PLXDC2: variants seen among roughly 807,000 people sequenced by gnomAD.
PLXDC2 encodes the protein plexin domain containing 2, also known as plexin domain-containing protein 2.
Under a neutral mutation model 68.9 loss-of-function variants are expected in PLXDC2, and 40 were observed. The ratio of observed to expected loss-of-function variants is 0.58; its 90% CI spans 0.45 to 0.76. The LOEUF is 0.76. PLXDC2 is among the 30% of genes least tolerant of loss of function. PLXDC2 has a pLI of 0.00. For missense variants in PLXDC2, 644 were observed against 661.9 expected (o/e 0.97, Z 0.30); for synonymous variants, 243 against 234.2 (o/e 1.04, Z -0.34).
intron 1 of PLXDC2, among the ~76,000 whole-genome samples, chr10:19,898,183 T>G (rs1391876433): frequency 6.6e-6 from 1 of 152,198 alleles, no homozygotes; most frequent in African/African-American, 2.4e-5. Flanking sequence ...TTATTTGTAT[T>G]TTTTGGTTTG....
rs63234960 is a variant in PLXDC2, at chr10:19,817,067, TGGC to T, written c.-3_-1del. The T allele has an allele frequency of 0.41, 630,347 of 1,524,466 alleles. 132,878 individuals carry two copies. The highest frequency in any genetic ancestry group is 0.44 in the Non-Finnish European group (499,069 of 1,135,922). The allele number at this position is 1,524,466 out of a possible 1,614,324, so 94.4% of individuals were successfully genotyped here. ...AGGACTGGCGGGTGGGGTAGGGAGG[TGGC>T]GGCGGCGGCATGGCGAGGTTCCCGA... On this transcript the variant is annotated 5_prime_UTR_variant, in exon 1 of 14. Transcript: ENST00000377252.
At chr10:19,989,264 A>G (rs1589572587) in intron 1 of PLXDC2, among the ~76,000 whole-genome samples, 2 of 152,216 alleles carry the variant, frequency 1.3e-5, no homozygotes, top group South Asian at 2.1e-4. Flanking sequence ...GTGGTATGCT[A>G]TCATGACCTG....
chr10:19,885,553 GT>G (rs1837828558), intron 1 of PLXDC2, among the ~76,000 whole-genome samples: 1 of 152,104 alleles, frequency 6.6e-6, no homozygotes, highest in South Asian at 2.1e-4. Context: ...AAGGGATCCA[GT>G]TTCAGCTTTC....
At chr10:19,836,420 ACT>A (rs1376893824) in intron 1 of PLXDC2, among the ~76,000 whole-genome samples, 1 of 152,174 alleles carries the variant, frequency 6.6e-6, no homozygotes, top group Non-Finnish European at 1.5e-5. Context: ...ATGCAACTTG[ACT>A]TTAAAAAGGC....
At chr10:20,185,219 A>G (rs1460142567) in intron 9 of PLXDC2, among the ~76,000 whole-genome samples, 2 of 151,072 alleles carry the variant, frequency 1.3e-5, no homozygotes, top group African/African-American at 2.4e-5. Flanking sequence ...TGAGGTTTTC[A>G]AAGTAAGCCA....
chr10:20,155,096 T>A (rs1375561657), intron 6 of PLXDC2, among the ~76,000 whole-genome samples: 2 of 152,236 alleles, frequency 1.3e-5, no homozygotes, highest in Non-Finnish European at 2.9e-5. Flanking sequence ...TCACATTTGC[T>A]GCTTCTATGG....
intron 1 of PLXDC2, among the ~76,000 whole-genome samples, chr10:19,951,531 G>T (rs555855084): frequency 6.6e-6 from 1 of 152,220 alleles, no homozygotes; most frequent in South Asian, 2.1e-4. Flanking sequence ...GGAGAAAAGG[G>T]AATGCTTATA....
At chr10:20,010,093 T>C (rs950225750) in intron 2 of PLXDC2, among the ~76,000 whole-genome samples, 5 of 152,158 alleles carry the variant, frequency 3.3e-5, no homozygotes, top group African/African-American at 1.2e-4. Flanking sequence ...GAACTTCTGT[T>C]CCTTGCTTGA....
At chr10:20,024,459 A>G (rs11011743) in intron 2 of PLXDC2, among the ~76,000 whole-genome samples, 6,442 of 152,306 alleles carry the variant, frequency 0.042, 159 homozygotes, top group Middle Eastern at 0.085. Flanking sequence ...TTGGTCTCCA[A>G]TTGAACATAC....
intron 1 of PLXDC2, among the ~76,000 whole-genome samples, chr10:19,906,315 T>C (rs11592382): frequency 0.19 from 28,826 of 152,072 alleles, 3,501 homozygotes; most frequent in African/African-American, 0.35. Context: ...GAAGGAGACA[T>C]ATCATGCCAC....
At chr10:19,875,854 A>G (rs1281439135) in intron 1 of PLXDC2, among the ~76,000 whole-genome samples, 2 of 152,232 alleles carry the variant, frequency 1.3e-5, no homozygotes, top group African/African-American at 2.4e-5. Flanking sequence ...CTCTAGTTCA[A>G]TGTCATGTAA....
intron 1 of PLXDC2, among the ~76,000 whole-genome samples, chr10:19,966,877 C>A (rs1363438148): frequency 6.6e-6 from 1 of 152,152 alleles, no homozygotes; most frequent in Non-Finnish European, 1.5e-5. Context: ...GGGGGAAACA[C>A]TGGGGAGAGG....
intron 5 of PLXDC2, among the ~76,000 whole-genome samples, chr10:20,147,137 G>A (rs557598266): frequency 6.6e-6 from 1 of 152,228 alleles, no homozygotes; most frequent in African/African-American, 2.4e-5. Context: ...CTGACAGAGT[G>A]ATTCAGAATA....
rs1836190376 is a variant in PLXDC2 at position 20,288,616 on chromosome 10, G to A, written c.*8797G>A. The A allele has an allele frequency of 6.6e-6, 1 of 152,004 alleles. No individual in the cohort carries two copies. The highest frequency in any genetic ancestry group is 2.4e-5 in the African/African-American group (1 of 41,386). 9.4% of individuals were successfully genotyped at this position (152,004 alleles called of 1,614,324 possible). A position where few individuals can be genotyped will look rare whatever the true frequency, so the allele number is the denominator to read the frequency against. ...GTTCACTGTAATATTAATGACCTAA[G>A]TTTGAATGTATTTCCTTACAGTCCA... is the stretch of plus-strand genomic sequence containing the variant. On this transcript the variant is annotated 3_prime_UTR_variant, in exon 14 of 14. Transcript: ENST00000377252.
chr10:19,981,646 T>C (rs1460056224), intron 1 of PLXDC2, among the ~76,000 whole-genome samples: 2 of 152,192 alleles, frequency 1.3e-5, no homozygotes, highest in African/African-American at 4.8e-5. Flanking sequence ...ACGGAATGAT[T>C]GAAAGTCAGG....
At chr10:20,237,089 G>A (rs762053552) in intron 12 of PLXDC2, among the ~76,000 whole-genome samples, 24 of 151,454 alleles carry the variant, frequency 1.6e-4, no homozygotes, top group Admixed American at 7.2e-4. Flanking sequence ...ACAGCTGCCC[G>A]ATAGTAGGAC....
intron 12 of PLXDC2, among the ~76,000 whole-genome samples, chr10:20,236,740 T>A (rs1835437271): frequency 2.0e-5 from 3 of 152,126 alleles, no homozygotes; most frequent in African/African-American, 7.2e-5. Flanking sequence ...TCTTGCTCTG[T>A]CACCCAGGCT....
At chr10:20,049,071 G>A (rs970552972) in intron 3 of PLXDC2, among the ~76,000 whole-genome samples, 1 of 151,996 alleles carries the variant, frequency 6.6e-6, no homozygotes, top group African/African-American at 2.4e-5. Context: ...CATAGCTTGG[G>A]TTCTTGGTTA....
chr10:19,986,065 C>A (rs1157202733), intron 1 of PLXDC2, among the ~76,000 whole-genome samples: 1 of 152,126 alleles, frequency 6.6e-6, no homozygotes, highest in Admixed American at 6.5e-5. Context: ...TTGAAGCTGG[C>A]ATGATTTGAT....
Sources: allele counts gnomAD v4.1 joint callset (sites outside exome capture counted in the v4.1 genomes callset), GRCh38; gene constraint gnomAD v4.1.1; transcripts MANE v1.5; gene names NCBI Gene and HGNC (gene_info 2026-07-23, HGNC 2026-07-21).